The following RPS6KC1 variants were observed in gnomAD, a reference collection of about 807,000 sequenced individuals.
RPS6KC1 encodes the protein ribosomal protein S6 kinase C1.
A neutral mutation model predicts 103.8 loss-of-function variants in RPS6KC1; 54 were observed. The observed-to-expected ratio is 0.52, with a 90% CI of 0.42 to 0.65. The LOEUF (loss-of-function observed/expected upper bound fraction) is 0.65. RPS6KC1 is among the 30% of genes least tolerant of loss of function. The probability of loss-of-function intolerance (pLI) is 0.00; values close to 1 mark genes in which losing one functional copy is unlikely to be tolerated. For missense variants in RPS6KC1, 1,151 were observed against 1,253.8 expected, an observed-to-expected ratio of 0.92 and a Z score of 1.24; for synonymous variants, 439 against 438.7, an observed-to-expected ratio of 1.00 and a Z score of -0.01.
the RPS6KC1 span, among the ~76,000 whole-genome samples, chr1:213,527,692 CGTT>C: frequency 6.6e-6 from 1 of 151,886 alleles, no homozygotes; most frequent in East Asian, 1.9e-4. Flanking sequence ...TTAATTGACA[CGTT>C]GTAATTGTAC....
At chr1:213,281,377 C>T in the RPS6KC1 span, among the ~76,000 whole-genome samples, 1 of 152,240 alleles carries the variant, frequency 6.6e-6, no homozygotes, top group African/African-American at 2.4e-5. Flanking sequence ...AAACCCTAAA[C>T]TGGGGTTCAG....
At chr1:213,294,687 GAA>G in the RPS6KC1 span, among the ~76,000 whole-genome samples, 2 of 152,158 alleles carry the variant, frequency 1.3e-5, no homozygotes, top group Non-Finnish European at 2.9e-5. Flanking sequence ...AACCCAAAGA[GAA>G]GAGAAGTTTG....
intron 12 of RPS6KC1, among the ~76,000 whole-genome samples, chr1:213,249,823 G>A (rs934884348): frequency 3.9e-5 from 6 of 152,158 alleles, no homozygotes; most frequent in South Asian, 2.1e-4. Context: ...CAAGAAAACC[G>A]TATAGTAATG....
At chr1:213,166,641 A>G (rs1216650060) in intron 6 of RPS6KC1, among the ~76,000 whole-genome samples, 1 of 152,214 alleles carries the variant, frequency 6.6e-6, no homozygotes, top group African/African-American at 2.4e-5. Flanking sequence ...GACCAGTTAT[A>G]TTTGTGAATT....
At chr1:213,460,995 G>A in the RPS6KC1 span, among the ~76,000 whole-genome samples, 7 of 152,042 alleles carry the variant, frequency 4.6e-5, no homozygotes, top group Non-Finnish European at 8.8e-5. Flanking sequence ...TGGGTAACCC[G>A]ACCTTTCTGT....
the RPS6KC1 span, among the ~76,000 whole-genome samples, chr1:213,471,172 T>C: frequency 1.3e-5 from 2 of 152,172 alleles, no homozygotes; most frequent in African/African-American, 2.4e-5. Flanking sequence ...TCTTTGTAGT[T>C]GGAGCCCTGT....
rs142762837 is a variant in RPS6KC1, at chr1:213,270,201, A to T, written c.3091-2323A>T. Reference sequence around the variant, plus strand: ...TTTAAGACCACAGTGTTTTTCTAACAAATGGCACTGGGAAATTGAATATGC... The same window carrying T: ...TTTAAGACCACAGTGTTTTTCTAACTAATGGCACTGGGAAATTGAATATGC... On this transcript the variant is annotated intron_variant, in intron 14 of 14. Transcript: ENST00000366960. Among the ~76,000 whole-genome samples, 9 of 152,358 alleles carry T rather than the reference A, an allele frequency of 5.9e-5. No homozygotes were observed. In the South Asian group the frequency reaches 6.2e-4, roughly 11 times the overall value.
At chr1:213,401,809 C>T in the RPS6KC1 span, among the ~76,000 whole-genome samples, 2 of 149,988 alleles carry the variant, frequency 1.3e-5, no homozygotes, top group African/African-American at 4.9e-5. Context: ...TATTTTGAGA[C>T]AGGGTCTCAC....
At chr1:213,845,455 T>TA in the RPS6KC1 span, among the ~76,000 whole-genome samples, 1 of 152,328 alleles carries the variant, frequency 6.6e-6, no homozygotes, top group South Asian at 2.1e-4. Flanking sequence ...CTGACTACAG[T>TA]AGAGAAGAAC....
chr1:213,099,399 T>C (rs2081806429), intron 3 of RPS6KC1, among the ~76,000 whole-genome samples: 1 of 152,216 alleles, frequency 6.6e-6, no homozygotes, highest in African/African-American at 2.4e-5. Context: ...TATCTTTCCA[T>C]AATCTGTCTT....
chr1:213,573,357 A>G, the RPS6KC1 span, among the ~76,000 whole-genome samples: 1 of 152,196 alleles, frequency 6.6e-6, no homozygotes, highest in East Asian at 1.9e-4. Flanking sequence ...CTTAAGGATG[A>G]GGGGTGATGA....
At chr1:213,172,638 A>G (rs552305191) in intron 7 of RPS6KC1, among the ~76,000 whole-genome samples, 1 of 152,238 alleles carries the variant, frequency 6.6e-6, no homozygotes, top group East Asian at 1.9e-4. Context: ...CTAGTGTGCC[A>G]ATTCTAATCC....
the RPS6KC1 span, among the ~76,000 whole-genome samples, chr1:213,752,286 A>G: frequency 3.9e-5 from 6 of 152,160 alleles, no homozygotes; most frequent in Admixed American, 1.3e-4. Flanking sequence ...AGAGAAAAAA[A>G]TATTTTGGGC....
chr1:213,255,285 C>T (rs1386317304), intron 12 of RPS6KC1, among the ~76,000 whole-genome samples: 1 of 150,826 alleles, frequency 6.6e-6, no homozygotes, highest in Non-Finnish European at 1.5e-5. Flanking sequence ...ATCATCCTGC[C>T]ACTGCACTCC....
At chr1:213,449,088 T>A in the RPS6KC1 span, among the ~76,000 whole-genome samples, 5 of 152,154 alleles carry the variant, frequency 3.3e-5, no homozygotes, top group East Asian at 9.6e-4. Flanking sequence ...CTTTGCTGTG[T>A]GGCTTGAAAC....
At chr1:213,671,068 C>A in the RPS6KC1 span, among the ~76,000 whole-genome samples, 2 of 152,168 alleles carry the variant, frequency 1.3e-5, no homozygotes, top group East Asian at 1.9e-4. Flanking sequence ...GGAGAACACC[C>A]AAGCCTTCCA....
chr1:213,456,805 C>T, the RPS6KC1 span, among the ~76,000 whole-genome samples: 8 of 152,288 alleles, frequency 5.3e-5, no homozygotes, highest in East Asian at 7.7e-4. Context: ...AACACTGAAA[C>T]GTGCCTTTCC....
the RPS6KC1 span, among the ~76,000 whole-genome samples, chr1:213,764,733 C>A: frequency 6.6e-6 from 1 of 152,130 alleles, no homozygotes; most frequent in African/African-American, 2.4e-5. Flanking sequence ...AGTGTTGGTT[C>A]CTCTCAAGGT....
the RPS6KC1 span, among the ~76,000 whole-genome samples, chr1:213,643,864 A>T: frequency 8.6e-5 from 13 of 152,022 alleles, no homozygotes; most frequent in Non-Finnish European, 1.9e-4. Context: ...TATTAAATAT[A>T]ATAGAATGAT....
Sources: allele counts gnomAD v4.1 joint callset (sites outside exome capture counted in the v4.1 genomes callset), GRCh38; gene constraint gnomAD v4.1.1; transcripts MANE v1.5; gene names NCBI Gene and HGNC (gene_info 2026-07-23, HGNC 2026-07-21).